Variants in ELFN1 observed in about 807,000 individuals in gnomAD.
ELFN1 encodes extracellular leucine rich repeat and fibronectin type III domain containing 1, also known as protein ELFN1.
Under a neutral mutation model 7.6 loss-of-function variants are expected in ELFN1, and 6 were observed. The ratio of observed to expected loss-of-function variants is 0.79; its 90% CI spans 0.43 to 1.56. The LOEUF (loss-of-function observed/expected upper bound fraction) is 1.56, where lower values mean the gene tolerates loss of function less well. ELFN1 is among the 40% of genes most tolerant of loss of function. ELFN1 has a pLI of 0.01. For synonymous variants in ELFN1, 657 were observed against 588.1 expected, an observed-to-expected ratio of 1.12 and a Z score of -1.70; for missense variants, 1,169 against 1,232.2, an observed-to-expected ratio of 0.95 and a Z score of 0.77.
chr7:1,692,481 T>G (rs1048233649), intron 2 of ELFN1: 1 of 152,368 alleles, frequency 6.6e-6, no homozygotes, highest in Non-Finnish European at 1.5e-5. Context: ...TTAGGGATCT[T>G]GAATTGGGGG....
intron 3 of ELFN1, among the ~76,000 whole-genome samples, chr7:1,726,682 A>G (rs1036359156): frequency 1.3e-5 from 2 of 152,156 alleles, no homozygotes; most frequent in Admixed American, 6.5e-5. Context: ...CAGACAGGTG[A>G]GCAGGTGGGA....
intron 1 of ELFN1, among the ~76,000 whole-genome samples, chr7:1,676,264 C>T (rs188304609): frequency 2.2e-4 from 33 of 152,344 alleles, no homozygotes; most frequent in African/African-American, 7.7e-4. Flanking sequence ...CAGACTGCCC[C>T]TGTGTCTGTT....
intron 1 of ELFN1, among the ~76,000 whole-genome samples, chr7:1,672,801 G>A (rs930072210): frequency 6.6e-6 from 1 of 151,892 alleles, no homozygotes; most frequent in Non-Finnish European, 1.5e-5. Context: ...AGACACCATC[G>A]CATTGGAGGA....
chr7:1,732,950 G>C (rs1780354564), intron 3 of ELFN1, among the ~76,000 whole-genome samples: 2 of 152,064 alleles, frequency 1.3e-5, no homozygotes, highest in African/African-American at 2.4e-5. Context: ...ACCCAGGCTG[G>C]AGTGCAGTGG....
At chr7:1,667,177 C>T (rs917994919), upstream of ELFN1, among the ~76,000 whole-genome samples, 2 of 151,920 alleles carry the variant, frequency 1.3e-5, no homozygotes, top group Non-Finnish European at 2.9e-5. The surrounding 1 kb of genome is among the most constrained non-coding windows in gnomAD (Gnocchi z 8.2). Context: ...GCCACCCGGT[C>T]ACGGCCCTGG....
Position 1,745,124 on chromosome 7 carries a change from C to T in ELFN1, c.528C>T (p.Phe176=), listed in dbSNP as rs1286252285. The T allele has an allele frequency of 8.4e-6, 13 of 1,550,846 alleles. No individual in the cohort carries two copies. The highest frequency in any genetic ancestry group is 2.7e-5 in the African/African-American group (2 of 73,172). Residue 176 remains phenylalanine, a synonymous_variant, in exon 4 of 4, where the codon TTC becomes TTT. Coordinates refer to ENST00000424383, the MANE Select transcript of ELFN1 (RefSeq NM_001128636.4). ...TCCAGCAGCTCAACAGCGGCACCTT[C>T]GCCGGCCTGGCCAAGCTGTCGGTGT... The part of the protein sequence containing the change: ...NRIQQLNSGT[F]AGLAKLSVCE...
rs540746203 is a variant in ELFN1, at chr7:1,746,141, G to T, written c.1545G>T (p.Ala515=). Reference sequence around the variant, plus strand: ...AGCAGTACAAGCTGGTGGAGAGCGCGGACACCCCCAAGGCCAGCAAGGGCA... The same window carrying T: ...AGCAGTACAAGCTGGTGGAGAGCGCTGACACCCCCAAGGCCAGCAAGGGCA... ...EVEQYKLVES[A]DTPKASKGSY... Residue 515 remains alanine (A), a synonymous_variant, in exon 4 of 4, where the codon GCG becomes GCT. Coordinates refer to ENST00000424383, the MANE Select transcript of ELFN1 (RefSeq NM_001128636.4). 5 of 1,548,444 alleles carry T rather than the reference G, an allele frequency of 3.2e-6. No individual in the cohort carries two copies. In the East Asian group the frequency reaches 1.2e-4, roughly 38 times the overall value.
In ELFN1 at chr7:1,745,285, A is replaced by ACCTCCTGGGCCAGGG; in HGVS notation, c.692_706dup (p.Leu231_Gly235dup). 1 of 1,538,408 alleles carries ACCTCCTGGGCCAGGG rather than the reference A, an allele frequency of 6.5e-7. No homozygotes were observed. The highest frequency in any genetic ancestry group is 8.7e-7 in the Non-Finnish European group (1 of 1,146,792). ...TCGCCGCCCGTCTACTCCGGCTACTACCTCCTGGGCCAGGGCCGCCGCGGC... is the reference window on the plus strand; with the variant it reads ...TCGCCGCCCGTCTACTCCGGCTACTACCTCCTGGGCCAGGGCCTCCTGGGCCAGGGCCGCCGCGGC... On this transcript the variant is annotated inframe_insertion, in exon 4 of 4. Transcript: ENST00000424383.
intron 3 of ELFN1, 99 bp downstream of exon 3, chr7:1,709,351 G>A (rs1439925766): frequency 1.3e-5 from 2 of 152,412 alleles, no homozygotes; most frequent in African/African-American, 2.4e-5. Context: ...TGCCTGGAAG[G>A]AGATGGAGAC....
chr7:1,679,925 A>T (rs1170499125), intron 1 of ELFN1, among the ~76,000 whole-genome samples: 1 of 152,228 alleles, frequency 6.6e-6, no homozygotes, highest in African/African-American at 2.4e-5. Flanking sequence ...CCTCGAGGAA[A>T]GGAGAGGGCA....
intron 3 of ELFN1, among the ~76,000 whole-genome samples, chr7:1,725,941 TAC>T (rs772971199): frequency 2.1e-5 from 3 of 145,574 alleles, no homozygotes; most frequent in South Asian, 2.2e-4. Context: ...CACTCACAAA[TAC>T]ACACGCACAA....
At chr7:1,738,382 C>G (rs1780511184) in intron 3 of ELFN1, among the ~76,000 whole-genome samples, 1 of 152,146 alleles carries the variant, frequency 6.6e-6, no homozygotes, top group Non-Finnish European at 1.5e-5. Flanking sequence ...CCCCCTAACC[C>G]CCTGCGGGCA....
At chr7:1,722,120 C>G (rs1340519156) in intron 3 of ELFN1, among the ~76,000 whole-genome samples, 2 of 152,186 alleles carry the variant, frequency 1.3e-5, no homozygotes, top group Non-Finnish European at 2.9e-5. Context: ...GACAGGTTGT[C>G]TAGCTGGAGA....
chr7:1,711,576 GAGAGAGAGA>G (rs1779654081), intron 3 of ELFN1, among the ~76,000 whole-genome samples: 3 of 2,768 alleles, frequency 1.1e-3, no homozygotes, highest in Non-Finnish European at 2.4e-3. Flanking sequence ...GCGAGAGAGT[GAGAGAGAGA>G]GAGAGAGAGA....
chr7:1,702,262 A>C (rs1779442902), intron 2 of ELFN1, among the ~76,000 whole-genome samples: 1 of 152,078 alleles, frequency 6.6e-6, no homozygotes, highest in Non-Finnish European at 1.5e-5. Flanking sequence ...GTCTCTACTA[A>C]AAATACAAAA....
intron 3 of ELFN1, among the ~76,000 whole-genome samples, chr7:1,741,611 T>G (rs904178213): frequency 6.6e-6 from 1 of 152,006 alleles, no homozygotes; most frequent in Non-Finnish European, 1.5e-5. Flanking sequence ...TGGCAGGGGA[T>G]GAACCAGGTG....
chr7:1,669,265 G>A (rs1778715995), upstream of ELFN1, among the ~76,000 whole-genome samples: 1 of 152,194 alleles, frequency 6.6e-6, no homozygotes, highest in African/African-American at 2.4e-5. Context: ...TCGTTGAATT[G>A]CCCAGCTGCT....
At position 1,708,167 on chromosome 7, in the gene ELFN1, C is replaced by G. The variant is rs193040671; in HGVS notation, c.-455-924C>G. ...CAAAAGCATCATTCATGGGGCTGGG[C>G]TCTGCACCACACCCCAGCTGTGCGA... is the stretch of plus-strand genomic sequence containing the variant. On this transcript the variant is annotated intron_variant, in intron 2 of 3. Transcript: ENST00000424383. Among the ~76,000 whole-genome samples, 320 of 152,352 alleles carry G rather than the reference C, an allele frequency of 2.1e-3. 5 individuals carry two copies. The highest frequency in any genetic ancestry group is 0.02 in the Admixed American group (303 of 15,306).
At chr7:1,720,589 G>A (rs970388147) in intron 3 of ELFN1, among the ~76,000 whole-genome samples, 5 of 152,120 alleles carry the variant, frequency 3.3e-5, no homozygotes, top group Non-Finnish European at 7.4e-5. Flanking sequence ...GGCTCTTTGC[G>A]CCAGCTTGTG....
Sources: gnomAD v4.1 joint callset for allele counts (sites outside exome capture counted in the v4.1 genomes callset) on GRCh38, gnomAD v4.1.1 for gene constraint, Gnocchi (gnomAD v3.1) non-coding constraint, MANE v1.5 for transcripts, NCBI Gene and HGNC (gene_info 2026-07-23, HGNC 2026-07-21) for gene names.